FAM184B: variants seen among roughly 807,000 people sequenced by gnomAD.
FAM184B encodes protein FAM184B.
In FAM184B, 111 loss-of-function variants were observed where a neutral mutation model predicts 135.9. That is an observed-to-expected ratio of 0.82 (90% CI 0.70 to 0.96). The LOEUF is 0.96. Ranked by LOEUF, FAM184B falls within the 40% of genes least tolerant of loss-of-function variation. The probability of loss-of-function intolerance (pLI) is 0.00; values close to 1 mark genes in which losing one functional copy is unlikely to be tolerated. For missense variants in FAM184B, 1,375 were observed against 1,323.9 expected (o/e 1.04, Z -0.60); for synonymous variants, 552 against 524.8 (o/e 1.05, Z -0.71).
intron 1 of FAM184B, among the ~76,000 whole-genome samples, chr4:17,757,895 T>C (rs1483810962): frequency 6.6e-5 from 10 of 152,176 alleles, no homozygotes; most frequent in African/African-American, 4.8e-5. Context: ...GCTTGAAATA[T>C]ATGTGAGTGA....
At chr4:17,768,522 G>T (rs1041093608) in intron 1 of FAM184B, among the ~76,000 whole-genome samples, 1 of 152,114 alleles carries the variant, frequency 6.6e-6, no homozygotes, top group African/African-American at 2.4e-5. Flanking sequence ...GGTTTTACCC[G>T]CCTCGGCCTC....
rs1181357723 is a variant in FAM184B, at chr4:17,709,487, C to G, written c.299G>C (p.Arg100Pro). Residue 100 changes from arginine (R) to proline (P), a missense_variant, in exon 2 of 18, where the codon CGC becomes CCC. Physicochemically the swap from Arg to Pro is moderately radical, Grantham distance 103. Coordinates refer to ENST00000265018, the MANE Select transcript of FAM184B (RefSeq NM_015688.2). ...GCAEEEALLQRIQALESALEL... is the reference protein window; with the variant it reads ...GCAEEEALLQPIQALESALEL... The stretch of plus-strand genomic sequence containing the variant: ...CAGGGCGCTCTCCAGGGCCTGGATG[C>G]GCTGTAGAAGGGCTTCCTCCTCTGC... The G allele has an allele frequency of 5.2e-6, 8 of 1,547,606 alleles. No homozygotes were observed. Among genetic ancestry groups the G allele is most frequent in the Non-Finnish European group, 6.1e-6 (7 of 1,144,838 alleles).
chr4:17,673,080 G>GA (rs1716215772), intron 7 of FAM184B, among the ~76,000 whole-genome samples: 2 of 151,846 alleles, frequency 1.3e-5, no homozygotes, highest in East Asian at 1.9e-4. Flanking sequence ...AAATTAGCAA[G>GA]AAAAAAACAA....
At chr4:17,755,462 A>T (rs1718396511) in intron 1 of FAM184B, among the ~76,000 whole-genome samples, 1 of 152,226 alleles carries the variant, frequency 6.6e-6, no homozygotes, top group Non-Finnish European at 1.5e-5. Context: ...TGTTGGTGGG[A>T]CTGTAAATTA....
chr4:17,650,603 C>T (rs1357687874), intron 11 of FAM184B, among the ~76,000 whole-genome samples: 1 of 152,180 alleles, frequency 6.6e-6, no homozygotes, highest in Non-Finnish European at 1.5e-5. Flanking sequence ...CCAGGATGTC[C>T]AGCCTGACCT....
Position 17,705,080 on chromosome 4 carries a change from C to T in FAM184B, c.1297G>A (p.Glu433Lys), listed in dbSNP as rs374653787. Residue 433 changes from glutamate to lysine, a missense_variant, in exon 5 of 18, where the codon GAA (glutamate) becomes AAA (lysine). Coordinates refer to ENST00000265018, the MANE Select transcript of FAM184B (RefSeq NM_015688.2). ...HLKDQLVKRL[E>K]DLVKKHTVEI... The stretch of plus-strand genomic sequence containing the variant: ...ACGGTGTGCTTCTTTACCAAGTCTT[C>T]TAGTCGCTTCACTAGCTGGTCTTTG... 2.6e-6 allele frequency: 4 copies of T among 1,551,650 alleles called. No individual in the cohort carries two copies.
intron 7 of FAM184B, among the ~76,000 whole-genome samples, chr4:17,686,443 G>A (rs988377060): frequency 6.6e-6 from 1 of 152,226 alleles, no homozygotes; most frequent in Non-Finnish European, 1.5e-5. Context: ...AGTCCTGGCT[G>A]CTCCCCTTAA....
intron 1 of FAM184B, among the ~76,000 whole-genome samples, chr4:17,741,744 A>G (rs1298043174): frequency 6.6e-6 from 1 of 152,188 alleles, no homozygotes; most frequent in African/African-American, 2.4e-5. Context: ...ATGGACTGAC[A>G]TGGACATAAA....
chr4:17,653,857 T>C (rs1053677712), intron 10 of FAM184B, among the ~76,000 whole-genome samples: 1 of 44,818 alleles, frequency 2.2e-5, no homozygotes, highest in Non-Finnish European at 4.3e-5. Flanking sequence ...ACAAGGGTCC[T>C]TATAAGAGGG....
chr4:17,713,527 C>A (rs1040894290), intron 1 of FAM184B, among the ~76,000 whole-genome samples: 1 of 152,220 alleles, frequency 6.6e-6, no homozygotes, highest in African/African-American at 2.4e-5. Flanking sequence ...ATAACAGATA[C>A]CATTTTAATC....
chr4:17,658,406 C>T lies in FAM184B; in HGVS notation c.1981G>A (p.Ala661Thr), dbSNP rs1162556918. The stretch of plus-strand genomic sequence containing the variant: ...ATGCGCAGGGCTCTCTGGTGGGAAG[C>T]CTCGAGCTGGGCTTTCATGGCGTGG... ...QNHAMKAQLE[A>T]SHQRALRMLE... The change falls in exon 10 of 18, where the codon GCT becomes ACT. Residue 661 changes from alanine to threonine, a missense_variant. Transcript: ENST00000265018. 4.5e-6 allele frequency: 7 copies of T among 1,551,636 alleles called. No homozygotes were observed. The highest frequency in any genetic ancestry group is 6.1e-6 in the Non-Finnish European group (7 of 1,147,000).
Position 17,718,614 on chromosome 4 carries a change from G to A in FAM184B, c.142-8970C>T, listed in dbSNP as rs189408128. On this transcript the variant is annotated intron_variant, in intron 1 of 17. Transcript: ENST00000265018. ...GCTGTGTGACTTGCTTTGGCCAAGG[G>A]AATGTGAGTGGACTTGTTGCAAGCA... is the stretch of plus-strand genomic sequence containing the variant. Among the ~76,000 whole-genome samples, 210 of 152,342 alleles carry A rather than the reference G, an allele frequency of 1.4e-3. 1 individual carries two copies. Among genetic ancestry groups the A allele is most frequent in the Middle Eastern group, 3.4e-3 (1 of 294 alleles).
At chr4:17,638,240 G>GT (rs1266001453) in intron 14 of FAM184B, among the ~76,000 whole-genome samples, 1 of 150,306 alleles carries the variant, frequency 6.7e-6, no homozygotes, top group African/African-American at 2.5e-5. Flanking sequence ...CCAGGCTGGA[G>GT]TGCAGGGGTG....
Position 17,705,229 on chromosome 4 carries a change from G to T in FAM184B, c.1171-23C>A, listed in dbSNP as rs373212583. 6.5e-5 allele frequency: 99 copies of T among 1,534,222 alleles called. No individual in the cohort carries two copies. The East Asian group carries it at 1.8e-3, about 28-fold the overall frequency. On this transcript the variant is annotated intron_variant, in intron 4 of 17. Transcript: ENST00000265018. ...GGTCTATAAAAAGAAAAAGGACCTT[G>T]TAAAACCACTGGGGAGGGGTGAGGA...
intron 13 of FAM184B, among the ~76,000 whole-genome samples, chr4:17,640,268 C>T (rs745819911): frequency 7.5e-5 from 11 of 147,592 alleles, no homozygotes; most frequent in Non-Finnish European, 1.5e-4. Context: ...GACAGGAGTT[C>T]GAGACCAGCC....
intron 7 of FAM184B, among the ~76,000 whole-genome samples, chr4:17,680,237 T>C (rs1340657444): frequency 6.6e-6 from 1 of 152,244 alleles, no homozygotes; most frequent in Non-Finnish European, 1.5e-5. Flanking sequence ...TAGTTTTTGA[T>C]GTCATTAAAA....
At chr4:17,652,510 G>A (rs1434454869) in intron 11 of FAM184B, among the ~76,000 whole-genome samples, 3 of 152,220 alleles carry the variant, frequency 2.0e-5, no homozygotes, top group African/African-American at 7.2e-5. Flanking sequence ...AGGAAAATGA[G>A]ACTCACAGTA....
At position 17,781,238 on chromosome 4, in the gene FAM184B, T is replaced by A; in HGVS notation, c.62A>T (p.Asp21Val). 2 of 1,551,006 alleles carry A rather than the reference T, an allele frequency of 1.3e-6. No individual in the cohort carries two copies. Among genetic ancestry groups the A allele is most frequent in the South Asian group, 2.4e-5 (2 of 83,876 alleles). Residue 21 changes from aspartate (D) to valine (V), a missense_variant, in exon 1 of 18, where the codon GAC (aspartate) becomes GTC (valine). Asp to Val is a radical substitution (Grantham distance 152). Transcript: ENST00000265018. This position sits in a 1 kb window ranked among gnomAD's most constrained non-coding sequence, Gnocchi z 6.5. ...GTCCATTCTCCAGCCGGCGCCACCGTCGGCTTTGGAGCCCTGGCAAGTGCC... is the reference window on the plus strand; with the variant it reads ...GTCCATTCTCCAGCCGGCGCCACCGACGGCTTTGGAGCCCTGGCAAGTGCC... ...PPGTCQGSKA[D>V]GGAGWRMDCD... is the part of the protein sequence containing the mutation.
In FAM184B at chr4:17,781,324, A is replaced by G; in HGVS notation, c.-25T>C. 6.6e-7 allele frequency: 1 copy of G among 1,504,294 alleles called. No homozygotes were observed. Among genetic ancestry groups the G allele is most frequent in the East Asian group, 2.6e-5 (1 of 38,386 alleles). The allele number at this position is 1,504,294 out of a possible 1,614,324, so 93.2% of individuals were successfully genotyped here. A position where few individuals can be genotyped will look rare whatever the true frequency, so the allele number is the denominator to read the frequency against. On this transcript the variant is annotated 5_prime_UTR_variant, in exon 1 of 18. Transcript: ENST00000265018. The surrounding 1 kb of genome is among the most constrained non-coding windows in gnomAD (Gnocchi z 6.5). ...TCGCTAAAACGCGCCCAGCACTCAG[A>G]CTCTCTCGTTTTCTCCCTGCCCACC...
Sources: gnomAD v4.1 joint callset for allele counts (sites outside exome capture counted in the v4.1 genomes callset) on GRCh38, gnomAD v4.1.1 for gene constraint, Gnocchi (gnomAD v3.1) non-coding constraint, MANE v1.5 for transcripts, NCBI Gene and HGNC (gene_info 2026-07-23, HGNC 2026-07-21) for gene names.